CHMP4B: variants seen among roughly 807,000 people sequenced by gnomAD.
CHMP4B encodes the protein charged multivesicular body protein 4B, also known as SNF7 homolog associated with Alix 1.
In CHMP4B, 1 loss-of-function variant was observed where a neutral mutation model predicts 25.1. That is an observed-to-expected ratio of 0.04 (90% CI 0.01 to 0.19). The LOEUF (loss-of-function observed/expected upper bound fraction) is 0.19, where lower values mean the gene tolerates loss of function less well. Among genes scored for constraint, CHMP4B ranks in the 10% least tolerant of loss-of-function variants. The probability of loss-of-function intolerance (pLI) is 1.00; values close to 1 mark genes in which losing one functional copy is unlikely to be tolerated. For synonymous variants in CHMP4B, 101 were observed against 115.6 expected, an observed-to-expected ratio of 0.87 and a Z score of 0.81; for missense variants, 151 against 289.7, an observed-to-expected ratio of 0.52 and a Z score of 3.48.
Position 33,847,726 on chromosome 20 carries a change from G to A in CHMP4B, c.191-741G>A, listed in dbSNP as rs138839488. On this transcript the variant is annotated intron_variant, in intron 1 of 4. Coordinates refer to ENST00000217402, the MANE Select transcript of CHMP4B (RefSeq NM_176812.5). ...CTGTCTGGCTTTTTAGTTTGGTCTT[G>A]TTTTCGATGATGGAGGATGCTGTAG... Among the ~76,000 whole-genome samples the A allele has an allele frequency of 4.1e-4, 62 of 152,264 alleles. 1 individual carries two copies. Among genetic ancestry groups the A allele is most frequent in the Middle Eastern group, 3.4e-3 (1 of 294 alleles).
chr20:33,842,449 G>A (rs1239298689), intron 1 of CHMP4B, among the ~76,000 whole-genome samples: 1 of 152,202 alleles, frequency 6.6e-6, no homozygotes, highest in Non-Finnish European at 1.5e-5. Context: ...AGGGCACCCT[G>A]AATATCTGAG....
In CHMP4B at chr20:33,844,218, G is replaced by A. The variant is rs548411347; in HGVS notation, c.191-4249G>A. Among the ~76,000 whole-genome samples the A allele has an allele frequency of 2.0e-5, 3 of 152,228 alleles. No homozygotes were observed. The East Asian group carries it at 5.8e-4, about 29-fold the overall frequency. ...AGTGGAAAGATGCTGCCAAATGATT[G>A]TTCTAGCCTGTGTTTCAGTAAGACG... On this transcript the variant is annotated intron_variant, in intron 1 of 4. Transcript: ENST00000217402.
At chr20:33,820,863 A>C (rs1297292169) in intron 1 of CHMP4B, among the ~76,000 whole-genome samples, 1 of 152,200 alleles carries the variant, frequency 6.6e-6, no homozygotes, top group Non-Finnish European at 1.5e-5. Context: ...ACTTTATTTG[A>C]ATCAGAAGCC....
intron 1 of CHMP4B, among the ~76,000 whole-genome samples, chr20:33,813,151 A>G (rs1362354485): frequency 1.3e-5 from 2 of 152,074 alleles, no homozygotes; most frequent in Admixed American, 6.5e-5. Flanking sequence ...TGTAAAAAAA[A>G]AAAAAAAAGG....
intron 1 of CHMP4B, among the ~76,000 whole-genome samples, chr20:33,841,152 G>T (rs567149039): frequency 1.3e-5 from 2 of 152,246 alleles, no homozygotes; most frequent in African/African-American, 4.8e-5. Flanking sequence ...ACAGATAAGG[G>T]GCTTCTTTCT....
intron 1 of CHMP4B, 80 bp downstream of exon 1, chr20:33,811,738 C>T (rs1978623438): frequency 4.2e-6 from 6 of 1,430,650 alleles, no homozygotes; most frequent in South Asian, 3.6e-5. Flanking sequence ...TCATCAGACT[C>T]GCCTCGGGGT....
chr20:33,823,158 G>A (rs1978994292), intron 1 of CHMP4B, among the ~76,000 whole-genome samples: 1 of 150,932 alleles, frequency 6.6e-6, no homozygotes, highest in Admixed American at 6.6e-5. Context: ...TTCAAAAAAA[G>A]TATCCCCAGG....
intron 1 of CHMP4B, among the ~76,000 whole-genome samples, chr20:33,828,877 A>G (rs1189582775): frequency 6.6e-6 from 1 of 152,162 alleles, no homozygotes; most frequent in Non-Finnish European, 1.5e-5. Flanking sequence ...ATAGATCAAG[A>G]TATGAGAACA....
chr20:33,853,440 C>A, intron 4 of CHMP4B, 56 bp from the exon 5 acceptor site: 1 of 1,542,524 alleles, frequency 6.5e-7, no homozygotes, highest in Non-Finnish European at 9.0e-7. Flanking sequence ...TCATTTCCGG[C>A]CAGAACATGT....
rs964626096 is a variant in CHMP4B at position 33,811,407 on chromosome 20, A to T, written c.-62A>T. 23 of 1,348,276 alleles carry T rather than the reference A, an allele frequency of 1.7e-5. No individual in the cohort carries two copies. The highest frequency in any genetic ancestry group is 2.2e-5 in the Non-Finnish European group (23 of 1,041,010). 83.5% of individuals were successfully genotyped at this position (1,348,276 alleles called of 1,614,324 possible). A position where few individuals can be genotyped will look rare whatever the true frequency, so the allele number is the denominator to read the frequency against. On this transcript the variant is annotated 5_prime_UTR_variant, in exon 1 of 5. Transcript: ENST00000217402. The stretch of plus-strand genomic sequence containing the variant: ...GGGAGCGGGCGCCGGAGCCGACCCG[A>T]GCCGAGCCGAGCCGAGCCGAGCCGG...
intron 1 of CHMP4B, among the ~76,000 whole-genome samples, chr20:33,816,689 C>G (rs1417159613): frequency 6.6e-6 from 1 of 152,202 alleles, no homozygotes; most frequent in Admixed American, 6.5e-5. Flanking sequence ...AATATCTACT[C>G]TAGATGGTTC....
At position 33,853,504 on chromosome 20, in the gene CHMP4B, AAAG is replaced by A. The variant is rs764315196; in HGVS notation, c.624_626del (p.Glu210del). The A allele has an allele frequency of 1.4e-5, 22 of 1,613,632 alleles. No individual in the cohort carries two copies. The Admixed American group carries it at 1.8e-4, about 13-fold the overall frequency. ...TTTCTGTCTTCACACAGCCAAGAAG[AAAG>A]AAGAGGAGGACGACGACATGAAGGA... On this transcript the variant is annotated inframe_deletion, in exon 5 of 5. Coordinates refer to ENST00000217402, the MANE Select transcript of CHMP4B (RefSeq NM_176812.5).
At chr20:33,817,314 C>G (rs1045289737) in intron 1 of CHMP4B, among the ~76,000 whole-genome samples, 4 of 152,242 alleles carry the variant, frequency 2.6e-5, no homozygotes, top group Admixed American at 6.5e-5. Context: ...TCCAAACACA[C>G]TGGTTCCTTT....
intron 1 of CHMP4B, 117 bp from the exon 2 acceptor site, chr20:33,848,350 G>T: frequency 1.0e-6 from 1 of 970,792 alleles, no homozygotes; most frequent in African/African-American, 1.6e-5. Context: ...TGAATCCTCT[G>T]CTATAGTGGA....
intron 1 of CHMP4B, among the ~76,000 whole-genome samples, chr20:33,822,992 GT>G (rs1395450344): frequency 1.3e-5 from 2 of 151,850 alleles, no homozygotes; most frequent in Non-Finnish European, 2.9e-5. Flanking sequence ...GTTTCACTGT[GT>G]TAGCCAGGAT....
intron 2 of CHMP4B, 26 bp downstream of exon 2, chr20:33,848,670 A>G (rs1298898415): frequency 2.5e-6 from 4 of 1,613,436 alleles, no homozygotes; most frequent in Non-Finnish European, 3.4e-6. Context: ...CCCCTGCGCC[A>G]CAGGGCAGTG....
At chr20:33,840,350 A>G (rs1979504520) in intron 1 of CHMP4B, among the ~76,000 whole-genome samples, 1 of 152,098 alleles carries the variant, frequency 6.6e-6, no homozygotes, top group South Asian at 2.1e-4. Context: ...GGAAACAGGC[A>G]AGACGGAGGA....
chr20:33,836,254 T>C (rs6088314), intron 1 of CHMP4B, among the ~76,000 whole-genome samples: 15,876 of 152,168 alleles, frequency 0.1, 881 homozygotes, highest in East Asian at 0.22. Flanking sequence ...AGATGTCAAA[T>C]GTAAATTTTG....
At chr20:33,819,926 G>A (rs1978888298) in intron 1 of CHMP4B, among the ~76,000 whole-genome samples, 1 of 152,156 alleles carries the variant, frequency 6.6e-6, no homozygotes, top group Non-Finnish European at 1.5e-5. Context: ...CCAGCACTTT[G>A]GGAGGCCAAG....
Sources: gnomAD v4.1 joint callset for allele counts (sites outside exome capture counted in the v4.1 genomes callset) on GRCh38, gnomAD v4.1.1 for gene constraint, MANE v1.5 for transcripts, NCBI Gene and HGNC (gene_info 2026-07-23, HGNC 2026-07-21) for gene names.